The following USP28 variants were observed in gnomAD, a reference collection of about 807,000 sequenced individuals.
The protein encoded by USP28 is ubiquitin carboxyl-terminal hydrolase 28.
In USP28, 113 loss-of-function variants were observed where a neutral mutation model predicts 145.0. The ratio of observed to expected loss-of-function variants is 0.78; its 90% CI spans 0.67 to 0.91. The LOEUF (loss-of-function observed/expected upper bound fraction) is 0.91. Ranked by LOEUF, USP28 falls within the 40% of genes least tolerant of loss-of-function variation. The pLI is 0.00. For synonymous variants in USP28, 447 were observed against 450.9 expected, an observed-to-expected ratio of 0.99 and a Z score of 0.11; for missense variants, 1,201 against 1,289.6, an observed-to-expected ratio of 0.93 and a Z score of 1.05.
intron 11 of USP28, among the ~76,000 whole-genome samples, chr11:113,825,381 G>C (rs145047270): frequency 6.6e-6 from 1 of 152,250 alleles, no homozygotes; most frequent in East Asian, 1.9e-4. Context: ...AGAGCAAATG[G>C]AGCCCTCACA....
At chr11:113,841,056 T>C (rs961110656) in intron 4 of USP28, among the ~76,000 whole-genome samples, 1 of 152,192 alleles carries the variant, frequency 6.6e-6, no homozygotes, top group Non-Finnish European at 1.5e-5. Flanking sequence ...TTCAACACAG[T>C]GTACTATCTA....
chr11:113,867,003 C>T (rs1246901134), intron 1 of USP28, among the ~76,000 whole-genome samples: 3 of 151,982 alleles, frequency 2.0e-5, no homozygotes, highest in African/African-American at 7.2e-5. Flanking sequence ...GAACAAATCT[C>T]AAAAACATTA....
At chr11:113,874,886 CG>C (rs1949217087) in intron 1 of USP28, 1 of 1,000,040 alleles carries the variant, frequency 1.0e-6, no homozygotes, top group African/African-American at 1.8e-5. Context: ...AAATCTAGAG[CG>C]ATGAAGGCAA....
chr11:113,837,984 A>T (rs79129947), intron 5 of USP28, among the ~76,000 whole-genome samples: 3,201 of 151,674 alleles, frequency 0.021, 102 homozygotes, highest in African/African-American at 0.072. Flanking sequence ...ATAGCTGCTA[A>T]TTTCACAGAG....
chr11:113,854,411 A>C, intron 1 of USP28, 76 bp from the exon 2 acceptor site: 5 of 1,408,630 alleles, frequency 3.5e-6, no homozygotes, highest in Non-Finnish European at 3.0e-6. Context: ...GAATAACTAA[A>C]AGCATCTTGG....
chr11:113,847,692 T>C (rs985144340), intron 3 of USP28, among the ~76,000 whole-genome samples: 3 of 152,178 alleles, frequency 2.0e-5, no homozygotes, highest in Non-Finnish European at 2.9e-5. Context: ...AGTCCTCTTT[T>C]AGAAATGTTA....
At chr11:113,834,098 C>G (rs1944312832) in intron 6 of USP28, 151 bp downstream of exon 6, 1 of 553,176 alleles carries the variant, frequency 1.8e-6, no homozygotes, top group Non-Finnish European at 3.1e-6. Context: ...TATGTTATCC[C>G]AAAAAAGGAA....
Position 113,812,528 on chromosome 11 carries a change from C to T in USP28, c.1744-24G>A, listed in dbSNP as rs1424701264. Reference sequence around the variant, plus strand: ...ACCTGTAAGTCAGAATGTACATTCCCCAGTCAGGTGAAGCAAAGTAATCTG... The same window carrying T: ...ACCTGTAAGTCAGAATGTACATTCCTCAGTCAGGTGAAGCAAAGTAATCTG... On this transcript the variant is annotated intron_variant, in intron 15 of 24. Coordinates refer to ENST00000003302, the Ensembl canonical transcript of USP28. The T allele has an allele frequency of 1.9e-6, 3 of 1,601,732 alleles. No individual in the cohort carries two copies. In the Admixed American group the frequency reaches 5.0e-5, roughly 27 times the overall value.
At chr11:113,871,629 G>T (rs1445765396) in intron 1 of USP28, among the ~76,000 whole-genome samples, 1 of 152,112 alleles carries the variant, frequency 6.6e-6, no homozygotes, top group Admixed American at 6.6e-5. Context: ...TCTAAGAAAT[G>T]AAAGGGGGAA....
At chr11:113,858,898 C>T (rs1183896924) in intron 1 of USP28, among the ~76,000 whole-genome samples, 2 of 152,290 alleles carry the variant, frequency 1.3e-5, no homozygotes, top group East Asian at 1.9e-4. Context: ...CATGAGCCAC[C>T]GGGCCAGGCC....
At chr11:113,842,215 A>G (rs577607892) in intron 3 of USP28, among the ~76,000 whole-genome samples, 1 of 152,316 alleles carries the variant, frequency 6.6e-6, no homozygotes, top group East Asian at 1.9e-4. Context: ...GTGATACAAA[A>G]TACTCACAGA....
At chr11:113,854,157 T>A in intron 2 of USP28, 101 bp downstream of exon 2, 2 of 1,056,186 alleles carry the variant, frequency 1.9e-6, no homozygotes, top group Non-Finnish European at 2.8e-6. Flanking sequence ...TCTGTCCCTA[T>A]ATGTGCTTTA....
chr11:113,815,503 C>T (rs1269886980), intron 13 of USP28, 121 bp from the exon 14 acceptor site: 1 of 902,790 alleles, frequency 1.1e-6, no homozygotes, highest in African/African-American at 1.7e-5. Context: ...AGCATTAACT[C>T]TATAAAGGTA....
At position 113,874,581 on chromosome 11, in the gene USP28, GAAC is replaced by G. The variant is rs368489543; in HGVS notation, c.57+861_57+863del. ...GTTTCTCATCTCCAAACTCGTATTTGAACAACTGGCACAGATTTCCCGTTTTCT... is the reference window on the plus strand; with the variant it reads ...GTTTCTCATCTCCAAACTCGTATTTGAACTGGCACAGATTTCCCGTTTTCT... On this transcript the variant is annotated intron_variant, in intron 1 of 24. Transcript: ENST00000003302. 1,761 of 1,288,848 alleles carry G rather than the reference GAAC, an allele frequency of 1.4e-3. 22 individuals are homozygous for G. In the African/African-American group the frequency reaches 0.025, roughly 18 times the overall value. 79.8% of individuals were successfully genotyped at this position (1,288,848 alleles called of 1,614,324 possible).
Position 113,805,049 on chromosome 11 carries a change from A to G in USP28, c.2401-3T>C. On this transcript the variant is annotated splice_polypyrimidine_tract_variant and splice_region_variant and intron_variant, in intron 19 of 24. Coordinates refer to ENST00000003302, the Ensembl canonical transcript of USP28. ...CTGGAGTATTCTTCATGGAATGCCT[A>G]TTAAGGGCAGAATCAATGGTTAGAA... 6.2e-7 allele frequency: 1 copy of G among 1,612,028 alleles called. No homozygotes were observed. The highest frequency in any genetic ancestry group is 8.5e-7 in the Non-Finnish European group (1 of 1,179,804).
intron 9 of USP28, 77 bp downstream of exon 9, chr11:113,830,790 T>C: frequency 1.4e-6 from 2 of 1,411,668 alleles, no homozygotes; most frequent in South Asian, 1.2e-5. Flanking sequence ...CTATTCACTA[T>C]ACTGCCTCCT....
At chr11:113,874,602 C>T (rs1315841226) in intron 1 of USP28, 2 of 1,288,180 alleles carry the variant, frequency 1.6e-6, no homozygotes, top group South Asian at 2.5e-5. Context: ...ACAGATTTCC[C>T]GTTTTCTCTT....
intron 18 of USP28, chr11:113,807,977 A>T: frequency 8.5e-7 from 1 of 1,172,518 alleles, no homozygotes; most frequent in Non-Finnish European, 1.1e-6. Context: ...TCTGCATCAG[A>T]TCTAACCAGA....
intron 18 of USP28, among the ~76,000 whole-genome samples, chr11:113,807,450 T>C (rs546319831): frequency 6.6e-6 from 1 of 152,266 alleles, no homozygotes; most frequent in South Asian, 2.1e-4. Context: ...CATTATTGTT[T>C]ATGTGCAGTG....
Sources: allele counts gnomAD v4.1 joint callset (sites outside exome capture counted in the v4.1 genomes callset), GRCh38; gene constraint gnomAD v4.1.1; transcripts MANE v1.5; gene names NCBI Gene and HGNC (gene_info 2026-07-23, HGNC 2026-07-21).